Variants in PDE8B observed in about 807,000 individuals in gnomAD.
The protein encoded by PDE8B is high affinity cAMP-specific and IBMX-insensitive 3',5'-cyclic phosphodiesterase 8B.
Under a neutral mutation model 101.3 loss-of-function variants are expected in PDE8B, and 26 were observed. That is an observed-to-expected ratio of 0.26 (90% CI 0.19 to 0.36). The LOEUF is 0.36. PDE8B is among the 10% of genes least tolerant of loss of function. The pLI is 1.00. For synonymous variants in PDE8B, 424 were observed against 429.3 expected (o/e 0.99, Z 0.15); for missense variants, 810 against 1,163.1 (o/e 0.70, Z 4.42).
chr5:77,247,925 A>G (rs1015682321), intron 1 of PDE8B, among the ~76,000 whole-genome samples: 2 of 152,172 alleles, frequency 1.3e-5, no homozygotes, highest in Admixed American at 1.3e-4. Flanking sequence ...TTTGCTGTCC[A>G]GGGGATCCAT....
intron 10 of PDE8B, among the ~76,000 whole-genome samples, chr5:77,385,526 A>G (rs1177988558): frequency 6.6e-6 from 1 of 150,498 alleles, no homozygotes; most frequent in Non-Finnish European, 1.5e-5. Context: ...TAGCTTTTGA[A>G]TTTGTTTGCT....
chr5:77,397,611 A>G (rs1450100783), intron 10 of PDE8B, among the ~76,000 whole-genome samples: 3 of 152,210 alleles, frequency 2.0e-5, no homozygotes, highest in Non-Finnish European at 4.4e-5. Flanking sequence ...CAAGATTGCC[A>G]GGAAAAATGT....
At chr5:77,421,448 T>TA (rs1172101920) in intron 19 of PDE8B, among the ~76,000 whole-genome samples, 3 of 151,964 alleles carry the variant, frequency 2.0e-5, no homozygotes, top group East Asian at 1.9e-4. Flanking sequence ...CACATTTTTT[T>TA]AAAAAAACTG....
intron 10 of PDE8B, among the ~76,000 whole-genome samples, chr5:77,367,058 G>A (rs975649379): frequency 2.6e-5 from 4 of 152,012 alleles, no homozygotes; most frequent in Non-Finnish European, 4.4e-5. Flanking sequence ...TAAAACTGTT[G>A]GGAAAATGGA....
At chr5:77,121,796 G>A in the PDE8B span, among the ~76,000 whole-genome samples, 1 of 152,142 alleles carries the variant, frequency 6.6e-6, no homozygotes, top group Non-Finnish European at 1.5e-5. Flanking sequence ...GTGAGCTACC[G>A]CTTCCAGCCT....
intron 10 of PDE8B, among the ~76,000 whole-genome samples, chr5:77,359,151 G>A (rs1373098549): frequency 6.6e-6 from 1 of 152,142 alleles, no homozygotes; most frequent in Non-Finnish European, 1.5e-5. Flanking sequence ...AGGGGACAGG[G>A]GTGGGGGTAC....
At chr5:77,164,150 T>G in the PDE8B span, among the ~76,000 whole-genome samples, 2 of 152,216 alleles carry the variant, frequency 1.3e-5, no homozygotes, top group African/African-American at 4.8e-5. Flanking sequence ...ATAATTGGCA[T>G]CACATGCTTC....
chr5:77,315,989 T>C (rs1773701034), intron 2 of PDE8B, among the ~76,000 whole-genome samples: 1 of 152,136 alleles, frequency 6.6e-6, no homozygotes, highest in Non-Finnish European at 1.5e-5. Flanking sequence ...GGTTTTTTTT[T>C]CAATAAAAAT....
At chr5:77,406,697 A>AG (rs1177616459) in intron 12 of PDE8B, among the ~76,000 whole-genome samples, 2 of 152,090 alleles carry the variant, frequency 1.3e-5, no homozygotes, top group African/African-American at 4.8e-5. Context: ...CCTGCCTCAG[A>AG]GGGGGTGGTA....
At chr5:77,378,619 C>CT (rs1216554093) in intron 10 of PDE8B, among the ~76,000 whole-genome samples, 2 of 152,118 alleles carry the variant, frequency 1.3e-5, no homozygotes, top group African/African-American at 2.4e-5. Context: ...AGTCAGAGAG[C>CT]TTGCGAGTCA....
intron 10 of PDE8B, among the ~76,000 whole-genome samples, chr5:77,396,249 G>T (rs766301408): frequency 6.6e-6 from 1 of 152,110 alleles, no homozygotes; most frequent in Non-Finnish European, 1.5e-5. Context: ...TACCTTCTTG[G>T]CAACCACAGG....
the PDE8B span, among the ~76,000 whole-genome samples, chr5:77,173,003 A>G: frequency 1.8e-3 from 268 of 152,276 alleles, 1 homozygote; most frequent in African/African-American, 5.8e-3. Context: ...ATAAACACAT[A>G]TATAGGGTAG....
At position 77,425,222 on chromosome 5, in the gene PDE8B, G is replaced by A. The variant is rs1269265239; in HGVS notation, c.2419-545G>A. ...AAGCAGATCCCAGAAAAGGGGCTAA[G>A]TACCCTGAGATCAATGTGTCAGGAG... On this transcript the variant is annotated intron_variant, in intron 20 of 21. Transcript: ENST00000264917. Among the ~76,000 whole-genome samples, 6 of 152,310 alleles carry A rather than the reference G, an allele frequency of 3.9e-5. No individual in the cohort carries two copies. The East Asian group carries it at 1.2e-3, about 29-fold the overall frequency.
intron 1 of PDE8B, chr5:77,291,882 C>T: frequency 7.7e-7 from 1 of 1,304,704 alleles, no homozygotes; most frequent in Non-Finnish European, 1.1e-6. Context: ...TTAAAGTTTT[C>T]CTTGAATAAA....
chr5:77,246,864 C>T (rs1028880027), intron 1 of PDE8B: 1 of 152,198 alleles, frequency 6.6e-6, no homozygotes, highest in Non-Finnish European at 1.5e-5. Flanking sequence ...GTTCTTCAGA[C>T]TCTGGCTTTG....
intron 10 of PDE8B, among the ~76,000 whole-genome samples, chr5:77,394,008 C>T (rs1790495597): frequency 6.6e-6 from 1 of 152,128 alleles, no homozygotes; most frequent in Non-Finnish European, 1.5e-5. Flanking sequence ...GGTGAAATAA[C>T]CAGTGTTTCC....
intron 10 of PDE8B, among the ~76,000 whole-genome samples, chr5:77,382,659 A>G (rs778210757): frequency 4.0e-5 from 6 of 151,214 alleles, no homozygotes; most frequent in Non-Finnish European, 5.9e-5. Flanking sequence ...TCATTGTTCA[A>G]CTCCCACTTA....
the PDE8B span, among the ~76,000 whole-genome samples, chr5:77,149,546 G>A: frequency 6.6e-6 from 1 of 151,994 alleles, no homozygotes; most frequent in Admixed American, 6.6e-5. Context: ...TCTTAGTAAC[G>A]TTTCACAATT....
At chr5:77,321,309 G>A (rs1235561920) in intron 2 of PDE8B, among the ~76,000 whole-genome samples, 3 of 151,854 alleles carry the variant, frequency 2.0e-5, no homozygotes, top group Admixed American at 6.6e-5. Flanking sequence ...GCACCACCAC[G>A]CCTGGCTAAT....
Sources: allele counts gnomAD v4.1 joint callset (sites outside exome capture counted in the v4.1 genomes callset), GRCh38; gene constraint gnomAD v4.1.1; transcripts MANE v1.5; gene names NCBI Gene and HGNC (gene_info 2026-07-23, HGNC 2026-07-21).